Variants in NR5A2 observed in about 807,000 individuals in gnomAD.
NR5A2 encodes the protein CYP7A promoter-binding factor.
Under a neutral mutation model 62.7 loss-of-function variants are expected in NR5A2, and 26 were observed. That is an observed-to-expected ratio of 0.41 (90% CI 0.30 to 0.58). The LOEUF (loss-of-function observed/expected upper bound fraction) is 0.58. NR5A2 is among the 20% of genes least tolerant of loss of function. NR5A2 has a pLI of 0.22. For synonymous variants in NR5A2, 246 were observed against 241.7 expected (o/e 1.02, Z -0.16); for missense variants, 541 against 669.1 (o/e 0.81, Z 2.11).
intron 5 of NR5A2, among the ~76,000 whole-genome samples, chr1:200,067,698 A>C (rs1353267432): frequency 1.3e-5 from 2 of 152,180 alleles, no homozygotes; most frequent in Non-Finnish European, 2.9e-5. Context: ...CCTGGGTGAT[A>C]AAATAATCTG....
intron 5 of NR5A2, among the ~76,000 whole-genome samples, chr1:200,083,150 G>A (rs996249032): frequency 3.3e-5 from 5 of 152,232 alleles, no homozygotes; most frequent in South Asian, 2.1e-4. Context: ...ATGTAAAGTA[G>A]TTTTGAGACT....
intron 5 of NR5A2, among the ~76,000 whole-genome samples, chr1:200,053,387 A>G (rs1662749122): frequency 6.6e-6 from 1 of 152,226 alleles, no homozygotes; most frequent in Non-Finnish European, 1.5e-5. Context: ...TTTCAGAGCT[A>G]GAAGAGATCA....
rs192579356 is a variant in NR5A2 at position 200,174,296 on chromosome 1, A to G, written c.*86A>G. ...GAAGAAGAACAGGAAGAAAAAAAGT[A>G]CTCTGAACTGCTCCAAGTAACGCTA... On this transcript the variant is annotated 3_prime_UTR_variant, in exon 8 of 8. Coordinates refer to ENST00000367362, the MANE Select transcript of NR5A2 (RefSeq NM_205860.3). 47 of 1,389,100 alleles carry G rather than the reference A, an allele frequency of 3.4e-5. No homozygotes were observed. In the East Asian group the frequency reaches 1.1e-3, roughly 32 times the overall value. 86.0% of individuals were successfully genotyped at this position (1,389,100 alleles called of 1,614,324 possible).
chr1:200,103,248 C>T (rs1389079027), intron 5 of NR5A2, among the ~76,000 whole-genome samples: 1 of 151,392 alleles, frequency 6.6e-6, no homozygotes, highest in African/African-American at 2.4e-5. Context: ...CTCAGCCTCC[C>T]AAGTAGCTGG....
intron 5 of NR5A2, among the ~76,000 whole-genome samples, chr1:200,077,408 T>A (rs1664091603): frequency 6.6e-6 from 1 of 152,194 alleles, no homozygotes; most frequent in South Asian, 2.1e-4. Flanking sequence ...TTAATTGCGG[T>A]TTTTGCCATT....
At chr1:200,093,936 C>A (rs1198085783) in intron 5 of NR5A2, among the ~76,000 whole-genome samples, 1 of 152,274 alleles carries the variant, frequency 6.6e-6, no homozygotes, top group Admixed American at 6.5e-5. Context: ...GCGGGCGGAT[C>A]ACGAGGTTAG....
At chr1:200,062,581 G>T (rs1228161926) in intron 5 of NR5A2, among the ~76,000 whole-genome samples, 2 of 152,286 alleles carry the variant, frequency 1.3e-5, no homozygotes, top group East Asian at 1.9e-4. Context: ...TTCTTCAAAA[G>T]TTTTCCGTTG....
chr1:200,164,333 C>G (rs1208648528), intron 7 of NR5A2, among the ~76,000 whole-genome samples: 1 of 152,180 alleles, frequency 6.6e-6, no homozygotes, highest in African/African-American at 2.4e-5. Flanking sequence ...ATGATCACCT[C>G]TGGGGCATCA....
chr1:200,048,705 C>T lies in NR5A2; in HGVS notation c.997C>T (p.Arg333Ter), dbSNP rs766472339. 2 of 1,614,040 alleles carry T rather than the reference C, an allele frequency of 1.2e-6. No homozygotes were observed. The highest frequency in any genetic ancestry group is 1.7e-6 in the Non-Finnish European group (2 of 1,180,024). ...CTATTTGCAGCAAGAGCAGGCTAAC[C>T]GAAGCAAGCACGAAAAGCTGAGCAC... is the stretch of plus-strand genomic sequence containing the variant. ...MAYLQQEQANRSKHEKLSTFG... is the reference protein window; with the variant it reads ...MAYLQQEQAN Residue 333 changes from arginine to a stop codon, truncating the protein, a stop_gained, in exon 5 of 8, where the codon CGA becomes TGA. Coordinates refer to ENST00000367362, the MANE Select transcript of NR5A2 (RefSeq NM_205860.3). LOFTEE classifies it high-confidence loss of function. This position sits in a 1 kb window ranked among gnomAD's most constrained non-coding sequence, Gnocchi z 4.8.
At chr1:200,137,792 T>A (rs972646215) in intron 7 of NR5A2, among the ~76,000 whole-genome samples, 51 of 152,116 alleles carry the variant, frequency 3.4e-4, no homozygotes, top group African/African-American at 4.3e-4. Context: ...TAATTTTTTT[T>A]AAAAAAAGTT....
At chr1:200,130,251 C>T (rs1400659555) in intron 7 of NR5A2, among the ~76,000 whole-genome samples, 1 of 149,258 alleles carries the variant, frequency 6.7e-6, no homozygotes, top group Admixed American at 6.7e-5. Context: ...ACAAATCCAA[C>T]AGAGATCTGC....
chr1:200,122,807 G>A (rs941299222), intron 7 of NR5A2, among the ~76,000 whole-genome samples: 1 of 152,158 alleles, frequency 6.6e-6, no homozygotes, highest in Non-Finnish European at 1.5e-5. Context: ...TCAGATCAGA[G>A]GCAAATAGAA....
intron 5 of NR5A2, among the ~76,000 whole-genome samples, chr1:200,073,268 TTA>T (rs371537456): frequency 0.19 from 21,070 of 111,152 alleles, 2,922 homozygotes; most frequent in South Asian, 0.33. Context: ...ATATTCCCCT[TTA>T]TATATATATA....
intron 2 of NR5A2, among the ~76,000 whole-genome samples, chr1:200,042,411 A>G (rs1035703185): frequency 2.6e-5 from 4 of 152,216 alleles, no homozygotes; most frequent in African/African-American, 9.6e-5. Flanking sequence ...TTTCAAAAGA[A>G]CAAGTCATCA....
chr1:200,160,020 C>T (rs1183499019), intron 7 of NR5A2, among the ~76,000 whole-genome samples: 1 of 152,162 alleles, frequency 6.6e-6, no homozygotes, highest in Non-Finnish European at 1.5e-5. Flanking sequence ...CCCCATGGCA[C>T]CCTCCTCACT....
intron 1 of NR5A2, among the ~76,000 whole-genome samples, chr1:200,036,838 G>T (rs1411775131): frequency 6.6e-6 from 1 of 152,064 alleles, no homozygotes; most frequent in Non-Finnish European, 1.5e-5. Context: ...CCTCCATTTC[G>T]CTGCTACGCT....
chr1:200,121,963 C>T (rs531931365), intron 7 of NR5A2, among the ~76,000 whole-genome samples: 1 of 152,032 alleles, frequency 6.6e-6, no homozygotes, highest in East Asian at 1.9e-4. Context: ...ACAACTGTTG[C>T]TAATAAAGGG....
intron 1 of NR5A2, among the ~76,000 whole-genome samples, chr1:200,034,532 C>G (rs935093492): frequency 6.9e-5 from 10 of 145,962 alleles, no homozygotes; most frequent in Non-Finnish European, 1.0e-4. Flanking sequence ...GCCGTAGATT[C>G]CGATATCCAG....
rs1456323285 is a variant in NR5A2 at position 200,081,574 on chromosome 1, C to A, written c.1111-29628C>A. Among the ~76,000 whole-genome samples the A allele has an allele frequency of 2.0e-5, 3 of 152,204 alleles. No individual in the cohort carries two copies. In the East Asian group the frequency reaches 5.8e-4, roughly 29 times the overall value. Reference sequence around the variant, plus strand: ...TAGGAAGCCAAATACTTGCAAACAGCCTCTTAATTGCTCATTTGCAGTTGG... The same window carrying A: ...TAGGAAGCCAAATACTTGCAAACAGACTCTTAATTGCTCATTTGCAGTTGG... On this transcript the variant is annotated intron_variant, in intron 5 of 7. Coordinates refer to ENST00000367362, the MANE Select transcript of NR5A2 (RefSeq NM_205860.3).
Sources: allele counts gnomAD v4.1 joint callset (sites outside exome capture counted in the v4.1 genomes callset), GRCh38; gene constraint gnomAD v4.1.1; non-coding constraint Gnocchi (gnomAD v3.1); transcripts MANE v1.5; gene names NCBI Gene and HGNC (gene_info 2026-07-23, HGNC 2026-07-21).